Variants in BOLL observed in about 807,000 individuals in gnomAD.
BOLL encodes boule RNA binding protein, also known as protein boule-like.
BOLL carries 23 observed loss-of-function variants against 44.4 expected under a neutral mutation model. The ratio of observed to expected loss-of-function variants is 0.52; its 90% CI spans 0.37 to 0.73. BOLL has a LOEUF of 0.73. Among genes scored for constraint, BOLL ranks in the 30% least tolerant of loss-of-function variants. The pLI, the probability that BOLL is intolerant of heterozygous loss-of-function variation, is 0.00. For synonymous variants in BOLL, 97 were observed against 110.8 expected, an observed-to-expected ratio of 0.88 and a Z score of 0.78; for missense variants, 287 against 338.3, an observed-to-expected ratio of 0.85 and a Z score of 1.19.
At chr2:197,775,048 G>A (rs1168460180) in intron 5 of BOLL, among the ~76,000 whole-genome samples, 1 of 151,780 alleles carries the variant, frequency 6.6e-6, no homozygotes, top group Non-Finnish European at 1.5e-5. Flanking sequence ...AGACTGTTAG[G>A]AATTTTAATA....
intron 2 of BOLL, among the ~76,000 whole-genome samples, chr2:197,780,565 C>A (rs1689722190): frequency 6.6e-6 from 1 of 151,916 alleles, no homozygotes; most frequent in Admixed American, 6.6e-5. Flanking sequence ...CAAAGAAAAT[C>A]TTTTTAAAAA....
rs75789508 is a variant in BOLL, at chr2:197,784,005, C to T, written c.-16+1051G>A. 9.1e-3 allele frequency among the ~76,000 whole-genome samples: 1,381 copies of T among 152,116 alleles called. 24 individuals are homozygous for T. Among genetic ancestry groups the T allele is most frequent in the African/African-American group, 0.032 (1,313 of 41,512 alleles). On this transcript the variant is annotated intron_variant, in intron 1 of 10. Coordinates refer to ENST00000392296, the MANE Select transcript of BOLL (RefSeq NM_033030.6). The stretch of plus-strand genomic sequence containing the variant: ...GAAGGATGAAATGAACGGAAGTAAA[C>T]AGTGCTTTATTTCCAATCTCGAGAA...
chr2:197,784,437 T>C (rs1401745234), intron 1 of BOLL, among the ~76,000 whole-genome samples: 2 of 100,090 alleles, frequency 2.0e-5, no homozygotes, highest in African/African-American at 7.3e-5. Context: ...TATATATATA[T>C]ATATATATAT....
At chr2:197,731,634 C>G (rs1418518428) in intron 10 of BOLL, among the ~76,000 whole-genome samples, 2 of 147,524 alleles carry the variant, frequency 1.4e-5, no homozygotes, top group Admixed American at 6.7e-5. Flanking sequence ...ACAGTGCAAT[C>G]AAACTAGAAC....
At chr2:197,742,082 A>C (rs1316275389) in intron 10 of BOLL, among the ~76,000 whole-genome samples, 1 of 152,284 alleles carries the variant, frequency 6.6e-6, no homozygotes, top group East Asian at 1.9e-4. Flanking sequence ...ATCACTGGCC[A>C]TCAGAGAAAT....
At chr2:197,750,059 T>C (rs1003381418) in intron 9 of BOLL, among the ~76,000 whole-genome samples, 9 of 152,034 alleles carry the variant, frequency 5.9e-5, no homozygotes, top group African/African-American at 1.2e-4. Flanking sequence ...GCTTTATAAG[T>C]GAAGGAGAAA....
At chr2:197,762,880 C>G (rs1420836237) in intron 7 of BOLL, among the ~76,000 whole-genome samples, 1 of 151,980 alleles carries the variant, frequency 6.6e-6, no homozygotes, top group African/African-American at 2.4e-5. Flanking sequence ...TAGTAATAAT[C>G]AGGGCAGAAA....
At chr2:197,739,474 G>C (rs747343273) in intron 10 of BOLL, among the ~76,000 whole-genome samples, 1 of 151,856 alleles carries the variant, frequency 6.6e-6, no homozygotes, top group African/African-American at 2.4e-5. Flanking sequence ...TAGCACTATA[G>C]GGGTGCACCA....
intron 7 of BOLL, among the ~76,000 whole-genome samples, chr2:197,760,348 T>C (rs1688698008): frequency 6.6e-6 from 1 of 152,172 alleles, no homozygotes; most frequent in Non-Finnish European, 1.5e-5. Flanking sequence ...TGAACAGCCA[T>C]GCAGCTGTAT....
chr2:197,739,632 G>A (rs1300690724), intron 10 of BOLL, among the ~76,000 whole-genome samples: 2 of 152,082 alleles, frequency 1.3e-5, no homozygotes, highest in Non-Finnish European at 2.9e-5. Context: ...GCCAGAATTG[G>A]TAATCTTTAT....
chr2:197,732,923 C>G (rs1687273670), intron 10 of BOLL, among the ~76,000 whole-genome samples: 1 of 145,706 alleles, frequency 6.9e-6, no homozygotes, highest in South Asian at 2.3e-4. Context: ...CCCTCTCTCA[C>G]CACTCCTATT....
At chr2:197,730,769 A>AT (rs1687125591) in intron 10 of BOLL, among the ~76,000 whole-genome samples, 1 of 152,130 alleles carries the variant, frequency 6.6e-6, no homozygotes, top group African/African-American at 2.4e-5. Flanking sequence ...ATGCTGAGAG[A>AT]TTTTGTCACC....
intron 6 of BOLL, 60 bp downstream of exon 6, chr2:197,771,795 A>C: frequency 7.0e-7 from 1 of 1,434,916 alleles, no homozygotes; most frequent in Admixed American, 2.5e-5. Context: ...CAGAAATATA[A>C]CAAACATTAA....
Position 197,766,570 on chromosome 2 carries a change from C to G in BOLL, c.514G>C (p.Ala172Pro), listed in dbSNP as rs1241357648. ...RSVCSSPVMVAQPIYQQPAYH... is the reference protein window; with the variant it reads ...RSVCSSPVMVPQPIYQQPAYH... ...GCAGGTTGCTGATAAATGGGCTGAG[C>G]TACCATCACAGGGGAGCTACATACA... Residue 172 changes from alanine to proline, a missense_variant, in exon 7 of 11, where the codon GCT becomes CCT. By Grantham distance (27) the Ala-to-Pro change is conservative. Transcript: ENST00000392296. 15 of 1,612,394 alleles carry G rather than the reference C, an allele frequency of 9.3e-6. No homozygotes were observed. The highest frequency in any genetic ancestry group is 1.3e-5 in the Non-Finnish European group (15 of 1,178,968).
intron 9 of BOLL, 73 bp downstream of exon 9, chr2:197,756,355 T>C: frequency 1.5e-6 from 2 of 1,339,066 alleles, no homozygotes; most frequent in Non-Finnish European, 2.0e-6. Flanking sequence ...GTGAACAAAT[T>C]TAAAAAAGAG....
Position 197,766,498 on chromosome 2 carries a change from T to C in BOLL, c.552+34A>G, listed in dbSNP as rs368190782. ...AGTTAGCTAAGAAAGGACTGAAAGT[T>C]TCAGAGAGAATTTTAATTGTAATTT... On this transcript the variant is annotated intron_variant, in intron 7 of 10. Transcript: ENST00000392296. The C allele has an allele frequency of 1.1e-5, 17 of 1,532,566 alleles. No individual in the cohort carries two copies. The African/African-American group carries it at 2.3e-4, about 21-fold the overall frequency. 94.9% of individuals were successfully genotyped at this position (1,532,566 alleles called of 1,614,324 possible).
chr2:197,728,876 C>A (rs1033270604), intron 10 of BOLL, among the ~76,000 whole-genome samples: 12 of 152,210 alleles, frequency 7.9e-5, no homozygotes, highest in Non-Finnish European at 1.5e-4. Flanking sequence ...CGAGTTACAA[C>A]ATTTCCTTCT....
intron 8 of BOLL, 24 bp downstream of exon 8, chr2:197,757,329 T>C (rs1358134343): frequency 6.3e-7 from 1 of 1,585,774 alleles, no homozygotes; most frequent in South Asian, 1.1e-5. Flanking sequence ...GATTTAAAAT[T>C]ATATATTGAA....
At chr2:197,776,477 C>T (rs1343131928) in intron 4 of BOLL, among the ~76,000 whole-genome samples, 1 of 151,838 alleles carries the variant, frequency 6.6e-6, no homozygotes, top group Non-Finnish European at 1.5e-5. Flanking sequence ...GGAACATTAC[C>T]TTGTACTTCC....
Sources: allele counts gnomAD v4.1 joint callset (sites outside exome capture counted in the v4.1 genomes callset), GRCh38; gene constraint gnomAD v4.1.1; transcripts MANE v1.5; gene names NCBI Gene and HGNC (gene_info 2026-07-23, HGNC 2026-07-21).